The following CREBBP variants were observed in gnomAD, a reference collection of about 807,000 sequenced individuals.
CREBBP encodes the protein CREB-binding protein.
CREBBP carries 19 observed loss-of-function variants against 265.0 expected under a neutral mutation model. The ratio of observed to expected loss-of-function variants is 0.07; its 90% CI spans 0.05 to 0.11. The LOEUF (loss-of-function observed/expected upper bound fraction) is 0.11. Among genes scored for constraint, CREBBP ranks in the 10% least tolerant of loss-of-function variants. The pLI is 1.00. For missense variants in CREBBP, 2,525 were observed against 3,219.0 expected (o/e 0.78, Z 5.22); for synonymous variants, 1,457 against 1,223.7 (o/e 1.19, Z -3.98).
In CREBBP at chr16:3,848,422, C is replaced by G. The variant is rs146900082; in HGVS notation, c.798+1875G>C. 2.7e-3 allele frequency among the ~76,000 whole-genome samples: 409 copies of G among 152,266 alleles called. 2 individuals carry two copies. Among genetic ancestry groups the G allele is most frequent in the African/African-American group, 9.3e-3 (387 of 41,524 alleles). ...AATCCTAAGATATGATTTGCCTTTT[C>G]CCTCTGATTCTCTCCCAAGAACACA... On this transcript the variant is annotated intron_variant, in intron 2 of 30. Transcript: ENST00000262367.
rs569005069 is a variant in CREBBP at position 3,809,241 on chromosome 16, G to A, written c.975+1362C>T. Among the ~76,000 whole-genome samples the A allele has an allele frequency of 2.4e-3, 364 of 151,544 alleles. 2 individuals carry two copies. The highest frequency in any genetic ancestry group is 3.5e-3 in the Admixed American group (54 of 15,228). ...CACCCAGGCTAGAGTGCAGTGGCGC[G>A]ATCTCCGCTCACTGCAACCTCCACC... On this transcript the variant is annotated intron_variant, in intron 3 of 30. Coordinates refer to ENST00000262367, the MANE Select transcript of CREBBP (RefSeq NM_004380.3).
intron 3 of CREBBP, among the ~76,000 whole-genome samples, chr16:3,799,629 TTAAA>T (rs2053673873): frequency 6.6e-6 from 1 of 152,200 alleles, no homozygotes. Context: ...CACATTCTGA[TTAAA>T]TATTGAAAAC....
intron 28 of CREBBP, 107 bp from the exon 29 acceptor site, chr16:3,732,044 T>A: frequency 6.2e-7 from 1 of 1,600,334 alleles, no homozygotes; most frequent in South Asian, 1.1e-5. Flanking sequence ...CCAAAGTAGG[T>A]CACCACCAGG....
intron 3 of CREBBP, among the ~76,000 whole-genome samples, chr16:3,800,719 T>TA (rs775244418): frequency 2.0e-5 from 3 of 151,588 alleles, no homozygotes; most frequent in South Asian, 2.1e-4. Flanking sequence ...ACCCTGTTGC[T>TA]AAAAAAAGAC....
chr16:3,816,985 G>A (rs1445042208), intron 2 of CREBBP, among the ~76,000 whole-genome samples: 2 of 152,180 alleles, frequency 1.3e-5, no homozygotes, highest in Non-Finnish European at 1.5e-5. Flanking sequence ...GAGGCAGCAG[G>A]AACAGTGCCC....
intron 19 of CREBBP, among the ~76,000 whole-genome samples, chr16:3,753,130 C>T (rs1164564769): frequency 1.3e-5 from 2 of 152,202 alleles, no homozygotes; most frequent in Non-Finnish European, 2.9e-5. Context: ...CGACAGGACT[C>T]GAGCGCCAGG....
intron 3 of CREBBP, among the ~76,000 whole-genome samples, chr16:3,801,055 T>C (rs1017492632): frequency 3.9e-5 from 6 of 151,956 alleles, no homozygotes; most frequent in Admixed American, 6.6e-5. Context: ...GACACACACA[T>C]CCCCGAGGGA....
intron 2 of CREBBP, among the ~76,000 whole-genome samples, chr16:3,846,078 G>T (rs1327004983): frequency 6.6e-6 from 1 of 152,148 alleles, no homozygotes; most frequent in Non-Finnish European, 1.5e-5. Context: ...GTAAACCTAT[G>T]TGACCATATT....
Position 3,728,861 on chromosome 16 carries a change from G to A in CREBBP, c.6186C>T (p.Ile2062=), listed in dbSNP as rs780383901. 1.1e-5 allele frequency: 17 copies of A among 1,612,720 alleles called. 1 individual carries two copies. The Admixed American group carries it at 1.7e-4, about 16-fold the overall frequency. ...RMPSVQPPRS[I]SPSALQDLLR... is the part of the protein sequence containing the mutation. The stretch of plus-strand genomic sequence containing the variant: ...GCAGGTCTTGCAGAGCGCTGGGTGA[G>A]ATGCTCCTGGGTGGCTGCACGCTGG... Residue 2062 remains isoleucine, a synonymous_variant, in exon 31 of 31, where the codon ATC becomes ATT. Transcript: ENST00000262367. The surrounding 1 kb of genome is among the most constrained non-coding windows in gnomAD (Gnocchi z 8.7).
Position 3,731,339 on chromosome 16 carries a change from G to T in CREBBP, c.5025C>A (p.His1675Gln). ...DAFLTLARDK[H>Q]WEFSSLRRSK... ...AGCGGCGCAAGGAGGAGAACTCCCAGTGCTTGTCTCTGGCGAGGGTGAGGA... is the reference window on the plus strand; with the variant it reads ...AGCGGCGCAAGGAGGAGAACTCCCATTGCTTGTCTCTGGCGAGGGTGAGGA... The change falls in exon 30 of 31, where the codon CAC becomes CAA. Residue 1675 changes from histidine to glutamine, a missense_variant. By Grantham distance (24) the His-to-Gln change is conservative. Transcript: ENST00000262367. The surrounding 1 kb of genome is among the most constrained non-coding windows in gnomAD (Gnocchi z 7.7). 1 of 1,614,086 alleles carries T rather than the reference G, an allele frequency of 6.2e-7. No homozygotes were observed. The highest frequency in any genetic ancestry group is 8.5e-7 in the Non-Finnish European group (1 of 1,179,982).
At chr16:3,868,198 C>T (rs546597393) in intron 1 of CREBBP, among the ~76,000 whole-genome samples, 45 of 152,266 alleles carry the variant, frequency 3.0e-4, no homozygotes, top group Non-Finnish European at 5.9e-4. Context: ...GAAGAGTTTT[C>T]ACCAATTACT....
chr16:3,770,471 T>C (rs779128905), intron 14 of CREBBP, 99 bp downstream of exon 14: 21 of 1,336,036 alleles, frequency 1.6e-5, no homozygotes, highest in Non-Finnish European at 1.9e-5. Context: ...GCTGAAATTA[T>C]AGGTGTGAAC....
chr16:3,879,289 T>C lies in CREBBP; in HGVS notation c.85+543A>G, dbSNP rs1311541784. Among the ~76,000 whole-genome samples, 3 of 151,952 alleles carry C rather than the reference T, an allele frequency of 2.0e-5. No homozygotes were observed. The East Asian group carries it at 5.8e-4, about 29-fold the overall frequency. ...AACAAGGAGTTTTGAAAATAAGCAC[T>C]AAGCATCTTTCCAAGGAACTCACTC... On this transcript the variant is annotated intron_variant, in intron 1 of 30. Coordinates refer to ENST00000262367, the MANE Select transcript of CREBBP (RefSeq NM_004380.3).
intron 1 of CREBBP, among the ~76,000 whole-genome samples, chr16:3,876,399 CAAAAAAAAAA>C (rs71133663): frequency 0.06 from 1,085 of 18,160 alleles, 23 homozygotes; most frequent in African/African-American, 0.18. Flanking sequence ...TAAAGCTGAC[CAAAAAAAAAA>C]AAAAAAAAAA....
intron 9 of CREBBP, 73 bp from the exon 10 acceptor site, chr16:3,778,255 T>C: frequency 7.8e-7 from 1 of 1,274,014 alleles, no homozygotes; most frequent in Non-Finnish European, 1.1e-6. Context: ...TGTTGTAGGT[T>C]CTAACTAATG....
At chr16:3,869,688 G>A (rs1284061279) in intron 1 of CREBBP, among the ~76,000 whole-genome samples, 1 of 152,142 alleles carries the variant, frequency 6.6e-6, no homozygotes, top group Non-Finnish European at 1.5e-5. Flanking sequence ...TTCCAGTACT[G>A]TGTCATATAG....
intron 16 of CREBBP, chr16:3,767,394 A>T: frequency 5.0e-6 from 2 of 403,844 alleles, no homozygotes; most frequent in Non-Finnish European, 9.0e-6. Flanking sequence ...TACTTTTATG[A>T]GTAAAGCCAA....
chr16:3,816,300 CAG>C (rs1261301006), intron 2 of CREBBP, among the ~76,000 whole-genome samples: 1 of 152,158 alleles, frequency 6.6e-6, no homozygotes, highest in Non-Finnish European at 1.5e-5. Context: ...TCACTTCACT[CAG>C]AGAGTAAAAA....
At chr16:3,871,189 T>TCA (rs1212705746) in intron 1 of CREBBP, among the ~76,000 whole-genome samples, 1 of 52,702 alleles carries the variant, frequency 1.9e-5, no homozygotes, top group South Asian at 1.7e-3. Flanking sequence ...TCTCTCTCTC[T>TCA]CTCTCTCACT....
Sources: gnomAD v4.1 joint callset for allele counts (sites outside exome capture counted in the v4.1 genomes callset) on GRCh38, gnomAD v4.1.1 for gene constraint, Gnocchi (gnomAD v3.1) non-coding constraint, MANE v1.5 for transcripts, NCBI Gene and HGNC (gene_info 2026-07-23, HGNC 2026-07-21) for gene names.